ZNF618: variants seen among roughly 807,000 people sequenced by gnomAD.
ZNF618 encodes the protein zinc finger protein 618.
ZNF618 carries 34 observed loss-of-function variants against 103.0 expected under a neutral mutation model. The observed-to-expected ratio is 0.33, with a 90% confidence interval of 0.25 to 0.44. The LOEUF is 0.44. Among genes scored for constraint, ZNF618 ranks in the 20% least tolerant of loss-of-function variants. The probability of loss-of-function intolerance (pLI) is 1.00; values close to 1 mark genes in which losing one functional copy is unlikely to be tolerated. For synonymous variants in ZNF618, 551 were observed against 542.2 expected (o/e 1.02, Z -0.23); for missense variants, 1,059 against 1,295.4 (o/e 0.82, Z 2.80).
intron 1 of ZNF618, among the ~76,000 whole-genome samples, chr9:113,958,185 G>A (rs2132499720): frequency 6.6e-6 from 1 of 152,272 alleles, no homozygotes; most frequent in African/African-American, 2.4e-5. Context: ...CACCCCACCA[G>A]CCTTGGAGGC....
chr9:113,886,943 A>C, intron 1 of ZNF618, among the ~76,000 whole-genome samples: 1 of 149,704 alleles, frequency 6.7e-6, no homozygotes, highest in East Asian at 1.9e-4. Flanking sequence ...TATTAATACT[A>C]ATTTCATTGG....
intron 13 of ZNF618, among the ~76,000 whole-genome samples, chr9:114,038,540 TAAG>T (rs914699485): frequency 3.2e-4 from 48 of 152,324 alleles, no homozygotes; most frequent in African/African-American, 1.1e-3. Context: ...GCGCCGACGA[TAAG>T]GAGGATCAGC....
At position 114,049,732 on chromosome 9, in the gene ZNF618, G is replaced by A. The variant is rs770045272; in HGVS notation, c.2430G>A (p.Pro810=). The change falls in exon 15 of 15, where the codon CCG becomes CCA. Residue 810 remains proline, a synonymous_variant. Transcript: ENST00000374126. The part of the protein sequence containing the change: ...PAHKVAMILD[P]QQKLRPVPPY... ...ACAAGGTGGCCATGATCCTGGACCC[G>A]CAGCAGAAGCTGCGGCCTGTGCCAC... is the stretch of plus-strand genomic sequence containing the variant. 9.3e-6 allele frequency: 15 copies of A among 1,613,732 alleles called. No individual in the cohort carries two copies. The highest frequency in any genetic ancestry group is 6.6e-5 in the South Asian group (6 of 91,088).
intron 2 of ZNF618, among the ~76,000 whole-genome samples, chr9:113,987,913 C>G (rs2026140): frequency 4.0e-5 from 1 of 25,078 alleles, no homozygotes; most frequent in Non-Finnish European, 1.1e-4. Flanking sequence ...AAGATCCCCC[C>G]CAGCTGATCT....
At chr9:113,948,358 A>G (rs1473069738) in intron 1 of ZNF618, among the ~76,000 whole-genome samples, 1 of 152,190 alleles carries the variant, frequency 6.6e-6, no homozygotes, top group African/African-American at 2.4e-5. Flanking sequence ...GAAAGCAGAG[A>G]TGACATTTCC....
At chr9:114,003,583 A>T (rs1444390587) in intron 6 of ZNF618, among the ~76,000 whole-genome samples, 1 of 152,256 alleles carries the variant, frequency 6.6e-6, no homozygotes, top group East Asian at 1.9e-4. Flanking sequence ...AACAATGGTG[A>T]GCAAAAGAGG....
At chr9:113,958,990 A>T (rs1322254976) in intron 1 of ZNF618, among the ~76,000 whole-genome samples, 1 of 152,188 alleles carries the variant, frequency 6.6e-6, no homozygotes, top group Non-Finnish European at 1.5e-5. Context: ...AATTTCTTCA[A>T]CATAAAAAGT....
At chr9:113,999,031 G>T (rs924636625) in intron 4 of ZNF618, among the ~76,000 whole-genome samples, 2 of 152,184 alleles carry the variant, frequency 1.3e-5, no homozygotes, top group Non-Finnish European at 2.9e-5. Flanking sequence ...ACTTGTCCAG[G>T]GCTCCCTCTG....
At chr9:113,889,350 T>TCTCTCTCTCCCTCCCTCCCTCCCTCC (rs1191014933) in intron 1 of ZNF618, among the ~76,000 whole-genome samples, 2 of 148,464 alleles carry the variant, frequency 1.3e-5, no homozygotes, top group East Asian at 4.8e-4. Context: ...TCTCTCTTTC[T>TCTCTCTCTCCCTCCCTCCCTCCCTCC]CTCCCTCCCT....
chr9:113,876,388 A>G lies in ZNF618; in HGVS notation c.8A>G (p.Gln3Arg). The G allele has an allele frequency of 8.4e-7, 1 of 1,194,846 alleles. No homozygotes were observed. Among genetic ancestry groups the G allele is most frequent in the Non-Finnish European group, 1.0e-6 (1 of 965,146 alleles). 74.0% of individuals were successfully genotyped at this position (1,194,846 alleles called of 1,614,324 possible). A position where few individuals can be genotyped will look rare whatever the true frequency, so the allele number is the denominator to read the frequency against. ...CTCCTCCCGCACGGACCCATGAACCAGCCGGGCGGCGCGGCGGCTCCGCAG... is the reference window on the plus strand; with the variant it reads ...CTCCTCCCGCACGGACCCATGAACCGGCCGGGCGGCGCGGCGGCTCCGCAG... The part of the protein sequence containing the change: MN[Q>R]PGGAAAPQAD... Residue 3 changes from glutamine to arginine, a missense_variant, in exon 1 of 15, where the codon CAG (glutamine) becomes CGG (arginine). By Grantham distance (43) the Gln-to-Arg change is conservative. Transcript: ENST00000374126.
intron 1 of ZNF618, among the ~76,000 whole-genome samples, chr9:113,918,811 A>C (rs575150516): frequency 7.9e-5 from 12 of 152,296 alleles, no homozygotes; most frequent in African/African-American, 2.9e-4. Context: ...CCGGCCCTGG[A>C]ATCAGCCCTT....
chr9:113,980,830 G>A (rs1252828103), intron 2 of ZNF618, among the ~76,000 whole-genome samples: 3 of 152,186 alleles, frequency 2.0e-5, no homozygotes, highest in South Asian at 2.1e-4. Flanking sequence ...GGCAGAGTCC[G>A]ACGGGGACTG....
chr9:113,961,053 G>A (rs1836797150), intron 1 of ZNF618, among the ~76,000 whole-genome samples: 1 of 152,178 alleles, frequency 6.6e-6, no homozygotes, highest in Admixed American at 6.5e-5. Flanking sequence ...GGTGCATGTC[G>A]CTCCCTGCCA....
intron 13 of ZNF618, among the ~76,000 whole-genome samples, chr9:114,040,792 C>A (rs1415269333): frequency 2.0e-5 from 3 of 152,112 alleles, no homozygotes; most frequent in Non-Finnish European, 4.4e-5. Context: ...AATAAACATA[C>A]GTGTGCATGT....
chr9:113,930,894 C>G (rs546300275), intron 1 of ZNF618, among the ~76,000 whole-genome samples: 2 of 152,224 alleles, frequency 1.3e-5, no homozygotes, highest in African/African-American at 4.8e-5. Context: ...GGATTTTAGC[C>G]TTATTCGGGG....
intron 1 of ZNF618, among the ~76,000 whole-genome samples, chr9:113,907,497 TC>T (rs948682195): frequency 1.8e-4 from 27 of 152,210 alleles, no homozygotes; most frequent in African/African-American, 6.5e-4. Flanking sequence ...GCAGGGACTT[TC>T]CCAGGCAATG....
At chr9:113,886,465 A>C (rs1331996799) in intron 1 of ZNF618, among the ~76,000 whole-genome samples, 2 of 152,198 alleles carry the variant, frequency 1.3e-5, no homozygotes, top group Non-Finnish European at 2.9e-5. Context: ...GAATAGACGA[A>C]GACATTTTTG....
At chr9:114,010,892 G>A (rs948556286) in intron 9 of ZNF618, among the ~76,000 whole-genome samples, 17 of 152,234 alleles carry the variant, frequency 1.1e-4, no homozygotes, top group African/African-American at 3.9e-4. Context: ...AAATCAGACA[G>A]GCTTAGGTTT....
At chr9:114,040,621 G>C (rs1166397630) in intron 13 of ZNF618, among the ~76,000 whole-genome samples, 1 of 152,080 alleles carries the variant, frequency 6.6e-6, no homozygotes, top group Non-Finnish European at 1.5e-5. Flanking sequence ...GAGAATGATG[G>C]TTTCCAGCTT....
Sources: gnomAD v4.1 joint callset for allele counts (sites outside exome capture counted in the v4.1 genomes callset) on GRCh38, gnomAD v4.1.1 for gene constraint, MANE v1.5 for transcripts, NCBI Gene and HGNC (gene_info 2026-07-23, HGNC 2026-07-21) for gene names.